The following DMTF1 variants were observed in gnomAD, a reference collection of about 807,000 sequenced individuals.
DMTF1 encodes the protein cyclin D binding myb like transcription factor 1, also known as cyclin-D-binding Myb-like transcription factor 1.
A neutral mutation model predicts 91.1 loss-of-function variants in DMTF1; 39 were observed. The observed-to-expected ratio is 0.43, with a 90% CI of 0.33 to 0.56. The LOEUF is 0.56. Among genes scored for constraint, DMTF1 ranks in the 20% least tolerant of loss-of-function variants. The pLI is 0.05. For missense variants in DMTF1, 750 were observed against 914.5 expected (o/e 0.82, Z 2.32); for synonymous variants, 338 against 309.5 (o/e 1.09, Z -0.97).
chr7:87,182,103 C>T (rs1797505114), intron 9 of DMTF1, 125 bp from the exon 10 acceptor site: 2 of 1,547,946 alleles, frequency 1.3e-6, no homozygotes, highest in Non-Finnish European at 1.7e-6. Context: ...CTTTGGCTCT[C>T]AAAGTATTGC....
chr7:87,168,480 G>T (rs1794332537), intron 4 of DMTF1, among the ~76,000 whole-genome samples: 2 of 151,978 alleles, frequency 1.3e-5, no homozygotes, highest in South Asian at 2.1e-4. Flanking sequence ...GTAGTCTTTT[G>T]CCTCACTGGG....
chr7:87,174,073 AAGTG>A (rs141935207), intron 6 of DMTF1, among the ~76,000 whole-genome samples: 3,951 of 152,292 alleles, frequency 0.026, 77 homozygotes, highest in East Asian at 0.065. Context: ...TGCTACAAAA[AAGTG>A]AGGGTTGTGT....
intron 7 of DMTF1, among the ~76,000 whole-genome samples, chr7:87,177,216 T>G (rs1210190623): frequency 6.6e-6 from 1 of 152,194 alleles, no homozygotes; most frequent in Non-Finnish European, 1.5e-5. Context: ...TATTTTAATA[T>G]CCTTACCCAT....
intron 16 of DMTF1, 23 bp from the exon 17 acceptor site, chr7:87,194,661 A>ATT (rs529199076): frequency 9.6e-6 from 13 of 1,355,206 alleles, no homozygotes; most frequent in African/African-American, 1.5e-5. Flanking sequence ...ATGAGTCAAT[A>ATT]TTTTTTTTTT....
chr7:87,188,077 C>T lies in DMTF1; in HGVS notation c.1202-15C>T, dbSNP rs1434554025. The T allele has an allele frequency of 6.2e-7, 1 of 1,605,030 alleles. No homozygotes were observed. Among genetic ancestry groups the T allele is most frequent in the East Asian group, 2.2e-5 (1 of 44,792 alleles). On this transcript the variant is annotated splice_polypyrimidine_tract_variant and intron_variant, in intron 12 of 17. Coordinates refer to ENST00000331242, the MANE Select transcript of DMTF1 (RefSeq NM_001142327.2). The stretch of plus-strand genomic sequence containing the variant: ...GGAGAATCAATGTTCTTTTTGTCTA[C>T]CCATCTCCCTTCAGTCTTAATAAAA...
At chr7:87,180,224 G>A (rs1227939989) in intron 8 of DMTF1, among the ~76,000 whole-genome samples, 1 of 152,112 alleles carries the variant, frequency 6.6e-6, no homozygotes, top group Non-Finnish European at 1.5e-5. Flanking sequence ...TTTCTCTTTG[G>A]AAATTTTAGG....
At chr7:87,187,726 C>G (rs952463770) in intron 12 of DMTF1, 2 of 237,836 alleles carry the variant, frequency 8.4e-6, no homozygotes, top group East Asian at 1.2e-4. Context: ...ATACACTATT[C>G]GTTTAAAAAA....
intron 5 of DMTF1, among the ~76,000 whole-genome samples, chr7:87,171,678 TA>T (rs1795099999): frequency 6.6e-6 from 1 of 152,156 alleles, no homozygotes; most frequent in South Asian, 2.1e-4. Context: ...AACCAACTCA[TA>T]AAAGCTTCAT....
At chr7:87,163,860 A>G (rs1170045807) in intron 2 of DMTF1, among the ~76,000 whole-genome samples, 2 of 152,116 alleles carry the variant, frequency 1.3e-5, no homozygotes, top group African/African-American at 2.4e-5. Flanking sequence ...TGGTAAATAT[A>G]TGAATGGACT....
intron 9 of DMTF1, chr7:87,181,928 G>T: frequency 9.6e-7 from 1 of 1,042,934 alleles, no homozygotes; most frequent in Non-Finnish European, 1.3e-6. Flanking sequence ...AAAGTCTGGG[G>T]CTTGCCTGGG....
chr7:87,194,037 ATC>A lies in DMTF1; in HGVS notation c.1967_1968del (p.Ser656Ter). On this transcript the variant is annotated frameshift_variant, in exon 16 of 18. Coordinates refer to ENST00000331242, the MANE Select transcript of DMTF1 (RefSeq NM_001142327.2). LOFTEE classifies it high-confidence loss of function. ...TGTTATGGTCAGAACAGAAGAAGAA[ATC>A]TCTGACACCGACCTTAAACAAGAGG... ...NSVMVRTEEE[I>X]SDTDLKQEES... 3 of 1,612,754 alleles carry A rather than the reference ATC, an allele frequency of 1.9e-6. No homozygotes were observed. The highest frequency in any genetic ancestry group is 2.5e-6 in the Non-Finnish European group (3 of 1,179,392).
At chr7:87,175,364 T>C (rs1348907431) in intron 7 of DMTF1, among the ~76,000 whole-genome samples, 1 of 152,232 alleles carries the variant, frequency 6.6e-6, no homozygotes, top group African/African-American at 2.4e-5. Context: ...ATAGTAGTCC[T>C]TACCTTTTAA....
intron 7 of DMTF1, among the ~76,000 whole-genome samples, chr7:87,179,090 T>C (rs928772790): frequency 6.6e-6 from 1 of 152,052 alleles, no homozygotes; most frequent in Non-Finnish European, 1.5e-5. Context: ...GGCCTCATTT[T>C]TCCATTTCTA....
At chr7:87,189,231 A>T (rs868547215) in intron 13 of DMTF1, among the ~76,000 whole-genome samples, 5 of 152,280 alleles carry the variant, frequency 3.3e-5, no homozygotes, top group Middle Eastern at 3.4e-3. Context: ...AGAACCACAT[A>T]TTGGTGTTTA....
chr7:87,191,902 GTTA>G (rs1562855587), intron 14 of DMTF1, among the ~76,000 whole-genome samples: 2 of 152,014 alleles, frequency 1.3e-5, no homozygotes, highest in African/African-American at 2.4e-5. Flanking sequence ...AGAACACAGA[GTTA>G]TTATTAGTGC....
intron 7 of DMTF1, among the ~76,000 whole-genome samples, chr7:87,178,773 CTTTTTT>C (rs34451577): frequency 6.8e-6 from 1 of 146,480 alleles, no homozygotes; most frequent in Admixed American, 6.8e-5. Flanking sequence ...AATGTACCCA[CTTTTTT>C]TTTTTTTTAA....
At chr7:87,176,146 G>A (rs1363563124) in intron 7 of DMTF1, among the ~76,000 whole-genome samples, 1 of 152,130 alleles carries the variant, frequency 6.6e-6, no homozygotes, top group African/African-American at 2.4e-5. Context: ...TGCCTAGAAG[G>A]CCCACATTTT....
intron 1 of DMTF1, among the ~76,000 whole-genome samples, chr7:87,157,132 C>A (rs944219189): frequency 6.6e-6 from 1 of 152,116 alleles, no homozygotes; most frequent in Non-Finnish European, 1.5e-5. Flanking sequence ...AAAAAAACAT[C>A]TGAAAACTGT....
At chr7:87,189,204 C>T (rs145738522) in intron 13 of DMTF1, among the ~76,000 whole-genome samples, 2 of 152,198 alleles carry the variant, frequency 1.3e-5, no homozygotes, top group East Asian at 3.9e-4. Context: ...CATTATGATT[C>T]CCTGGTTGAG....
Sources: allele counts gnomAD v4.1 joint callset (sites outside exome capture counted in the v4.1 genomes callset), GRCh38; gene constraint gnomAD v4.1.1; transcripts MANE v1.5; gene names NCBI Gene and HGNC (gene_info 2026-07-23, HGNC 2026-07-21).